TRMT44: variants seen among roughly 807,000 people sequenced by gnomAD.
TRMT44 encodes the protein tRNA methyltransferase 44 homolog.
Under a neutral mutation model 77.3 loss-of-function variants are expected in TRMT44, and 78 were observed. That is an observed-to-expected ratio of 1.01 (90% CI 0.84 to 1.22). TRMT44 has a LOEUF of 1.22. Ranked by LOEUF, TRMT44 falls within the 50% of genes most tolerant of loss-of-function variation. The probability of loss-of-function intolerance (pLI) is 0.00; values close to 1 mark genes in which losing one functional copy is unlikely to be tolerated. For synonymous variants in TRMT44, 391 were observed against 383.3 expected, an observed-to-expected ratio of 1.02 and a Z score of -0.23; for missense variants, 1,090 against 964.4, an observed-to-expected ratio of 1.13 and a Z score of -1.73.
At position 8,491,556 on chromosome 4, in the gene TRMT44, T is replaced by C. The variant is rs1728005582; in HGVS notation, n.3892-1710T>C. ...GCTGCATGTCCCGAGCCCTGCCCCA[T>C]GGAAAGGCAGCTAAGGCCTGGCGAG... is the stretch of plus-strand genomic sequence containing the variant. On this transcript the variant is annotated intron_variant and non_coding_transcript_variant, in intron 2 of 2. Coordinates refer to the TRMT44 transcript ENST00000511366. Among the ~76,000 whole-genome samples the C allele has an allele frequency of 2.0e-5, 3 of 152,280 alleles. No homozygotes were observed. In the South Asian group the frequency reaches 6.2e-4, roughly 32 times the overall value.
chr4:8,484,081 C>T (rs1225778002), intron 2 of TRMT44, among the ~76,000 whole-genome samples: 9 of 152,126 alleles, frequency 5.9e-5, no homozygotes, highest in Non-Finnish European at 8.8e-5. Flanking sequence ...TTCTAAGAGG[C>T]GGGCTAGTGG....
intron 6 of TRMT44, among the ~76,000 whole-genome samples, chr4:8,456,096 C>G (rs1725794239): frequency 6.6e-6 from 1 of 152,174 alleles, no homozygotes; most frequent in African/African-American, 2.4e-5. Context: ...CATTCTCTGT[C>G]AAGAGAAACG....
chr4:8,516,346 C>T, the TRMT44 span, among the ~76,000 whole-genome samples: 1 of 152,222 alleles, frequency 6.6e-6, no homozygotes, highest in Non-Finnish European at 1.5e-5. Context: ...CTGACACCAG[C>T]TGTCCTGAGG....
chr4:8,462,660 G>T (rs952653520), intron 6 of TRMT44, among the ~76,000 whole-genome samples: 4 of 152,156 alleles, frequency 2.6e-5, no homozygotes, highest in African/African-American at 4.8e-5. Flanking sequence ...AGCCGAGATC[G>T]CGCCACTGCA....
chr4:8,493,813 T>C (rs1361776101), downstream of TRMT44, among the ~76,000 whole-genome samples: 1 of 152,014 alleles, frequency 6.6e-6, no homozygotes, highest in Non-Finnish European at 1.5e-5. Context: ...GGGCCACAGC[T>C]CTGGTGGAAT....
chr4:8,516,327 A>G, the TRMT44 span, among the ~76,000 whole-genome samples: 3 of 152,178 alleles, frequency 2.0e-5, no homozygotes, highest in East Asian at 5.8e-4. Context: ...CTGCGTGCCA[A>G]GGACACTCCT....
the TRMT44 span, among the ~76,000 whole-genome samples, chr4:8,502,241 C>G: frequency 1.3e-5 from 2 of 152,194 alleles, no homozygotes; most frequent in African/African-American, 4.8e-5. Flanking sequence ...TGGGAATGGT[C>G]CTCGGGACAG....
At chr4:8,492,946 A>AT (rs1491396120) in intron 2 of TRMT44, among the ~76,000 whole-genome samples, 2 of 152,226 alleles carry the variant, frequency 1.3e-5, no homozygotes, top group South Asian at 4.1e-4. Flanking sequence ...CCTTGGGCAC[A>AT]TGTCGTCAGG....
chr4:8,449,944 CTTTTCTTTTTTTTTTTT>C, intron 3 of TRMT44, 56 bp downstream of exon 3: 1 of 376,692 alleles, frequency 2.7e-6, no homozygotes, highest in South Asian at 5.4e-5. Flanking sequence ...CTTTTCTTTT[CTTTTCTTTTTTTTTTTT>C]TTTTTTTTTT....
chr4:8,453,518 G>C (rs2631753), intron 5 of TRMT44: 1 of 152,404 alleles, frequency 6.6e-6, no homozygotes, highest in Non-Finnish European at 1.5e-5. Flanking sequence ...TGGCTCGGAC[G>C]GCCAGTCATG....
chr4:8,492,686 G>A (rs1290669861), intron 2 of TRMT44, among the ~76,000 whole-genome samples: 1 of 152,170 alleles, frequency 6.6e-6, no homozygotes, highest in Non-Finnish European at 1.5e-5. Flanking sequence ...AATTCCTTGT[G>A]GACAAATGAC....
Position 8,465,416 on chromosome 4 carries a change from G to T in TRMT44, c.1349G>T (p.Cys450Phe). The change falls in exon 8 of 11, where the codon TGC becomes TTC. Residue 450 changes from cysteine to phenylalanine, a missense_variant. Cys to Phe is a radical substitution (Grantham distance 205, BLOSUM62 -2). Transcript: ENST00000389737. ...YNCRFFVLPC[C>F]FFDFIGRYSR... ...TGCCGCTTCTTTGTCCTCCCCTGCT[G>T]CTTCTTTGACTTCATTGGAAGATAC... 1 of 1,613,794 alleles carries T rather than the reference G, an allele frequency of 6.2e-7. No homozygotes were observed. The highest frequency in any genetic ancestry group is 1.1e-5 in the South Asian group (1 of 91,028).
intron 9 of TRMT44, among the ~76,000 whole-genome samples, chr4:8,468,802 G>A (rs139315956): frequency 2.6e-5 from 4 of 152,334 alleles, no homozygotes; most frequent in African/African-American, 9.6e-5. Flanking sequence ...TACATCGATT[G>A]TTCTCATGGG....
At chr4:8,470,142 AAT>A (rs1726883883) in intron 9 of TRMT44, among the ~76,000 whole-genome samples, 1 of 152,230 alleles carries the variant, frequency 6.6e-6, no homozygotes, top group African/African-American at 2.4e-5. Flanking sequence ...TGACTGGGAC[AAT>A]ATGTGATCTT....
chr4:8,481,940 C>CA (rs1285754732), intron 2 of TRMT44, among the ~76,000 whole-genome samples: 1 of 152,196 alleles, frequency 6.6e-6, no homozygotes, highest in Non-Finnish European at 1.5e-5. Context: ...GCTTGGTTTC[C>CA]TTTTTTCATC....
At position 8,482,582 on chromosome 4, in the gene TRMT44, G is replaced by A. The variant is rs192687038; in HGVS notation, n.3891+3049G>A. The stretch of plus-strand genomic sequence containing the variant: ...TTACAAAGGGGGTTTGTTCTCTGGC[G>A]GGCAGGAGTGGGGGTCGCAAGGTGC... On this transcript the variant is annotated intron_variant and non_coding_transcript_variant, in intron 2 of 2. Coordinates refer to the TRMT44 transcript ENST00000511366. The A allele has an allele frequency of 1.0e-2, 1,519 of 152,644 alleles. 14 individuals are homozygous for A. The highest frequency in any genetic ancestry group is 0.023 in the Middle Eastern group (7 of 300). The allele number at this position is 152,644 out of a possible 1,614,324, so 9.5% of individuals were successfully genotyped here. A position where few individuals can be genotyped will look rare whatever the true frequency, so the allele number is the denominator to read the frequency against.
At chr4:8,511,547 C>A in the TRMT44 span, among the ~76,000 whole-genome samples, 1 of 152,198 alleles carries the variant, frequency 6.6e-6, no homozygotes, top group Admixed American at 6.5e-5. Flanking sequence ...AAGCCACTAT[C>A]CGGAATGTCA....
At chr4:8,455,024 T>C in intron 6 of TRMT44, 1 of 587,960 alleles carries the variant, frequency 1.7e-6, no homozygotes, top group Non-Finnish European at 3.0e-6. Flanking sequence ...TGAAGGGCGC[T>C]GACCTCCAGG....
the TRMT44 span, among the ~76,000 whole-genome samples, chr4:8,498,561 T>G: frequency 6.6e-6 from 1 of 152,268 alleles, no homozygotes; most frequent in African/African-American, 2.4e-5. The surrounding 1 kb of genome is among the most constrained non-coding windows in gnomAD (Gnocchi z 4.3). Context: ...GGCAGCGATT[T>G]TCTTTCTCAG....
Sources: allele counts gnomAD v4.1 joint callset (sites outside exome capture counted in the v4.1 genomes callset), GRCh38; gene constraint gnomAD v4.1.1; non-coding constraint Gnocchi (gnomAD v3.1); transcripts MANE v1.5; gene names NCBI Gene and HGNC (gene_info 2026-07-23, HGNC 2026-07-21).